Variants in SAMD5 observed in about 807,000 individuals in gnomAD.
SAMD5 encodes sterile alpha motif domain containing 5, also known as sterile alpha motif domain-containing protein 5.
SAMD5 carries 13 observed loss-of-function variants against 11.3 expected under a neutral mutation model. The ratio of observed to expected loss-of-function variants is 1.15; its 90% confidence interval spans 0.75 to 1.83. SAMD5 has a LOEUF of 1.83. Ranked by LOEUF, SAMD5 falls within the 40% of genes most tolerant of loss-of-function variation. The pLI, the probability that SAMD5 is intolerant of heterozygous loss-of-function variation, is 0.00. For missense variants in SAMD5, 255 were observed against 239.1 expected (o/e 1.07, Z -0.44); for synonymous variants, 129 against 111.3 (o/e 1.16, Z -1.00).
At chr6:147,743,482 A>C in the SAMD5 span, among the ~76,000 whole-genome samples, 1 of 152,014 alleles carries the variant, frequency 6.6e-6, no homozygotes, top group Middle Eastern at 3.4e-3. Flanking sequence ...CAGCCTGGGC[A>C]ACAGAGCGAG....
chr6:147,770,802 CAACT>C, the SAMD5 span, among the ~76,000 whole-genome samples: 1 of 152,118 alleles, frequency 6.6e-6, no homozygotes, highest in Non-Finnish European at 1.5e-5. Context: ...AGACCTTAGA[CAACT>C]AACCTAATGG....
At chr6:147,700,781 G>A (rs1484194396) in intron 1 of SAMD5, among the ~76,000 whole-genome samples, 1 of 152,218 alleles carries the variant, frequency 6.6e-6, no homozygotes, top group Non-Finnish European at 1.5e-5. Context: ...AATTAGGAAG[G>A]ATAAGGGCAA....
chr6:147,760,369 A>AT, the SAMD5 span, among the ~76,000 whole-genome samples: 1 of 152,090 alleles, frequency 6.6e-6, no homozygotes, highest in Non-Finnish European at 1.5e-5. Flanking sequence ...ATGTTTGATT[A>AT]TTTTTTTGAC....
chr6:147,663,319 AG>A (rs1790671838), intron 1 of SAMD5, among the ~76,000 whole-genome samples: 1 of 152,088 alleles, frequency 6.6e-6, no homozygotes, highest in Non-Finnish European at 1.5e-5. Flanking sequence ...GGCCTTTTGG[AG>A]GGGGAAAGGT....
chr6:147,565,224 A>G lies in SAMD5; in HGVS notation c.*768A>G, dbSNP rs1473331238. ...AGCTAGTTTCTTGCACTCTGTGGAGACTGCCAGGGCCGCAGCTCACAGCCT... is the reference window on the plus strand; with the variant it reads ...AGCTAGTTTCTTGCACTCTGTGGAGGCTGCCAGGGCCGCAGCTCACAGCCT... On this transcript the variant is annotated 3_prime_UTR_variant, in exon 2 of 2. Coordinates refer to ENST00000367474, the MANE Select transcript of SAMD5 (RefSeq NM_001030060.3). The G allele has an allele frequency of 1.0e-6, 1 of 985,766 alleles. No homozygotes were observed. The highest frequency in any genetic ancestry group is 1.2e-6 in the Non-Finnish European group (1 of 829,986). The allele number at this position is 985,766 out of a possible 1,614,324, so 61.1% of individuals were successfully genotyped here.
chr6:147,666,698 A>C (rs964908193), intron 1 of SAMD5, among the ~76,000 whole-genome samples: 1 of 152,176 alleles, frequency 6.6e-6, no homozygotes, highest in African/African-American at 2.4e-5. Context: ...CAAAATGCCA[A>C]ATTTTGTAAA....
the SAMD5 span, among the ~76,000 whole-genome samples, chr6:147,762,110 C>T: frequency 6.6e-6 from 1 of 152,154 alleles, no homozygotes; most frequent in Non-Finnish European, 1.5e-5. Flanking sequence ...ATACAATATT[C>T]AGCTTTTATC....
chr6:147,843,819 C>A, the SAMD5 span, among the ~76,000 whole-genome samples: 1 of 152,112 alleles, frequency 6.6e-6, no homozygotes, highest in African/African-American at 2.4e-5. Context: ...TATCCCTTAT[C>A]TGACCCTTAT....
At position 147,509,212 on chromosome 6, in the gene SAMD5, G is replaced by C. The variant is rs1353721976; in HGVS notation, c.284G>C (p.Arg95Pro). Residue 95 changes from arginine (R) to proline (P), a missense_variant, in exon 1 of 2, where the codon CGG becomes CCG. Physicochemically the swap from Arg to Pro is moderately radical, Grantham distance 103 (BLOSUM62 -2). Transcript: ENST00000367474. The part of the protein sequence containing the change: ...PPADAVPTGR[R>P]GEPCGGPAQG... ...GCCGACGCCGTCCCCACCGGCCGCC[G>C]GGGGGAGCCGTGCGGCGGCCCGGCC... 2 of 1,326,808 alleles carry C rather than the reference G, an allele frequency of 1.5e-6. No individual in the cohort carries two copies. The highest frequency in any genetic ancestry group is 1.9e-6 in the Non-Finnish European group (2 of 1,036,718). 82.2% of individuals were successfully genotyped at this position (1,326,808 alleles called of 1,614,324 possible).
At chr6:147,528,931 A>G (rs1365853036) in intron 1 of SAMD5, among the ~76,000 whole-genome samples, 2 of 152,192 alleles carry the variant, frequency 1.3e-5, no homozygotes, top group Non-Finnish European at 2.9e-5. Flanking sequence ...CAGACTCCCA[A>G]TTCACATGGT....
At chr6:147,830,903 A>G in the SAMD5 span, among the ~76,000 whole-genome samples, 7 of 152,178 alleles carry the variant, frequency 4.6e-5, no homozygotes, top group Non-Finnish European at 8.8e-5. Context: ...TTTTCCCGCT[A>G]TTGTTACCTC....
the SAMD5 span, among the ~76,000 whole-genome samples, chr6:147,833,525 T>A: frequency 6.6e-6 from 1 of 152,234 alleles, no homozygotes; most frequent in South Asian, 2.1e-4. Context: ...CTTTGTAATA[T>A]CCTTCTATAA....
At chr6:147,740,841 G>A (rs937314763), downstream of SAMD5, among the ~76,000 whole-genome samples, 2 of 152,094 alleles carry the variant, frequency 1.3e-5, no homozygotes, top group Non-Finnish European at 2.9e-5. Flanking sequence ...TAGAATCAAG[G>A]CTAAACATAC....
chr6:147,628,276 A>G (rs61270163), intron 1 of SAMD5, among the ~76,000 whole-genome samples: 7,186 of 152,304 alleles, frequency 0.047, 286 homozygotes, highest in African/African-American at 0.094. Flanking sequence ...CTCTATTTCT[A>G]GATCATTATT....
At chr6:147,592,086 C>G (rs1789463229) in intron 1 of SAMD5, among the ~76,000 whole-genome samples, 1 of 152,084 alleles carries the variant, frequency 6.6e-6, no homozygotes, top group African/African-American at 2.4e-5. Context: ...GAGGTGGGCT[C>G]AAGCGATCCT....
Position 147,647,719 on chromosome 6 carries a change from C to T in SAMD5, c.163-89598C>T, listed in dbSNP as rs1414787118. 1.3e-5 allele frequency among the ~76,000 whole-genome samples: 2 copies of T among 152,104 alleles called. 1 individual carries two copies. Among genetic ancestry groups the T allele is most frequent in the Non-Finnish European group, 2.9e-5 (2 of 68,024 alleles). On this transcript the variant is annotated intron_variant, in intron 1 of 1. Coordinates refer to the SAMD5 transcript ENST00000566741. The stretch of plus-strand genomic sequence containing the variant: ...CAGCCTTCATTAGGGCTTCTTGATG[C>T]CCTGGCAAGATGTCACTCTGAACAG...
At chr6:147,874,698 C>G in the SAMD5 span, among the ~76,000 whole-genome samples, 1 of 88,686 alleles carries the variant, frequency 1.1e-5, no homozygotes, top group Admixed American at 1.3e-4. Context: ...CTTTCATAAT[C>G]AGAACTCACA....
the SAMD5 span, among the ~76,000 whole-genome samples, chr6:147,746,167 A>T: frequency 1.3e-5 from 2 of 152,208 alleles, no homozygotes; most frequent in Non-Finnish European, 2.9e-5. Context: ...GATCAGACGA[A>T]GAAGCTCACT....
In SAMD5 at chr6:147,509,402, T is replaced by G; in HGVS notation, c.459+15T>G. On this transcript the variant is annotated intron_variant, in intron 1 of 1. Coordinates refer to ENST00000367474, the MANE Select transcript of SAMD5 (RefSeq NM_001030060.3). ...ACTCCCGCAAGGTAAGGAGGTGCCG[T>G]CCGGGCGGCCCGGGGCGCGCGGCGG... 1 of 1,507,416 alleles carries G rather than the reference T, an allele frequency of 6.6e-7. No individual in the cohort carries two copies. The highest frequency in any genetic ancestry group is 1.3e-5 in the South Asian group (1 of 78,534). The allele number at this position is 1,507,416 out of a possible 1,614,324, so 93.4% of individuals were successfully genotyped here. A position where few individuals can be genotyped will look rare whatever the true frequency, so the allele number is the denominator to read the frequency against.
Sources: allele counts gnomAD v4.1 joint callset (sites outside exome capture counted in the v4.1 genomes callset), GRCh38; gene constraint gnomAD v4.1.1; transcripts MANE v1.5; gene names NCBI Gene and HGNC (gene_info 2026-07-23, HGNC 2026-07-21).